NPLOC4: variants seen among roughly 807,000 people sequenced by gnomAD.
NPLOC4 encodes the protein nuclear protein localization protein 4 homolog.
NPLOC4 carries 18 observed loss-of-function variants against 80.6 expected under a neutral mutation model. The ratio of observed to expected loss-of-function variants is 0.22; its 90% CI spans 0.15 to 0.33. The LOEUF is 0.33. Ranked by LOEUF, NPLOC4 falls within the 10% of genes least tolerant of loss-of-function variation. The pLI is 1.00. For synonymous variants in NPLOC4, 313 were observed against 301.5 expected (o/e 1.04, Z -0.39); for missense variants, 540 against 786.1 (o/e 0.69, Z 3.74).
intron 4 of NPLOC4, chr17:81,613,070 C>A: frequency 2.6e-6 from 1 of 380,652 alleles, no homozygotes; most frequent in Non-Finnish European, 4.6e-6. Flanking sequence ...TCTTTGTACC[C>A]AAATGCTTCA....
intron 6 of NPLOC4, among the ~76,000 whole-genome samples, chr17:81,608,462 C>T (rs955404206): frequency 6.6e-6 from 1 of 152,168 alleles, no homozygotes; most frequent in African/African-American, 2.4e-5. Flanking sequence ...TGTAATCCAG[C>T]ACTTTGGGGA....
At chr17:81,634,852 G>C (rs956052067) in intron 1 of NPLOC4, among the ~76,000 whole-genome samples, 3 of 151,888 alleles carry the variant, frequency 2.0e-5, no homozygotes, top group African/African-American at 7.3e-5. Flanking sequence ...CAAAGTGCTG[G>C]GATTACAGGC....
Position 81,596,213 on chromosome 17 carries a change from G to A in NPLOC4, c.1023C>T (p.Cys341=). 1 of 1,613,924 alleles carries A rather than the reference G, an allele frequency of 6.2e-7. No homozygotes were observed. Among genetic ancestry groups the A allele is most frequent in the African/African-American group, 1.3e-5 (1 of 75,068 alleles). ...TGTTCTGGAAGTCTCCTGCAGTGAT[G>A]CACTCTTCTGAACTTAGGAAATAGG... The part of the protein sequence containing the change: ...KDTYFLSSEE[C]ITAGDFQNKH... The change falls in exon 11 of 17, where the codon TGC becomes TGT. Residue 341 remains cysteine, a synonymous_variant. Coordinates refer to ENST00000331134, the MANE Select transcript of NPLOC4 (RefSeq NM_017921.4).
At chr17:81,622,723 G>A (rs1342179603) in intron 2 of NPLOC4, among the ~76,000 whole-genome samples, 1 of 151,866 alleles carries the variant, frequency 6.6e-6, no homozygotes, top group Non-Finnish European at 1.5e-5. Context: ...GCTGATTTTT[G>A]TATTTTTAGT....
chr17:81,616,334 A>AAAAAAAGAAACT (rs2035487011), intron 3 of NPLOC4, among the ~76,000 whole-genome samples: 1 of 46,618 alleles, frequency 2.1e-5, no homozygotes, highest in Non-Finnish European at 3.7e-5. Flanking sequence ...AAAAAAAAAA[A>AAAAAAAGAAACT]AAAAGAAAAG....
At chr17:81,570,384 G>A (rs1156666680) in intron 13 of NPLOC4, among the ~76,000 whole-genome samples, 1 of 152,236 alleles carries the variant, frequency 6.6e-6, no homozygotes, top group Non-Finnish European at 1.5e-5. Flanking sequence ...CAGGGGAGGT[G>A]CTGACCTCCT....
At chr17:81,573,215 T>C (rs1176762463) in intron 12 of NPLOC4, among the ~76,000 whole-genome samples, 2 of 152,218 alleles carry the variant, frequency 1.3e-5, no homozygotes, top group Non-Finnish European at 1.5e-5. Flanking sequence ...TATACATCCA[T>C]AATTTCCAAT....
chr17:81,629,482 C>G (rs561899897), intron 2 of NPLOC4, among the ~76,000 whole-genome samples: 36 of 152,164 alleles, frequency 2.4e-4, no homozygotes, highest in Non-Finnish European at 4.4e-4. Context: ...GCCACCACGC[C>G]CAGCCGTGAA....
rs901736723 is a variant in NPLOC4 at position 81,558,448 on chromosome 17, G to C, written c.*811C>G. The stretch of plus-strand genomic sequence containing the variant: ...TTGGTAGAAAAGTCTCAGGCACTGA[G>C]GTTTACTTCAAGGGAGAACTGACTG... On this transcript the variant is annotated 3_prime_UTR_variant, in exon 17 of 17. Transcript: ENST00000331134. 1 of 152,176 alleles carries C rather than the reference G, an allele frequency of 6.6e-6. No homozygotes were observed. The highest frequency in any genetic ancestry group is 1.5e-5 in the Non-Finnish European group (1 of 68,054). The allele number at this position is 152,176 out of a possible 1,614,324, so 9.4% of individuals were successfully genotyped here. A position where few individuals can be genotyped will look rare whatever the true frequency, so the allele number is the denominator to read the frequency against.
At chr17:81,633,908 C>G (rs1334457574) in intron 1 of NPLOC4, among the ~76,000 whole-genome samples, 1 of 151,838 alleles carries the variant, frequency 6.6e-6, no homozygotes, top group African/African-American at 2.4e-5. Context: ...ACTCTGTCAC[C>G]CAGGCTGGAG....
In NPLOC4 at chr17:81,565,572, G is replaced by A. The variant is rs1375071599; in HGVS notation, c.1602C>T (p.Thr534=). ...ATGTCTGGGCGAGCTCCTCATTTCTGGTCCGCACGGCCTCCAGCAGCAAGC... is the reference window on the plus strand; with the variant it reads ...ATGTCTGGGCGAGCTCCTCATTTCTAGTCCGCACGGCCTCCAGCAGCAAGC... ...SISLLLEAVR[T]RNEELAQTWK... The change falls in exon 16 of 17, where the codon ACC becomes ACT. Residue 534 remains threonine (T), a synonymous_variant. Coordinates refer to ENST00000331134, the MANE Select transcript of NPLOC4 (RefSeq NM_017921.4). 1.9e-6 allele frequency: 3 copies of A among 1,555,008 alleles called. No homozygotes were observed. The highest frequency in any genetic ancestry group is 2.6e-6 in the Non-Finnish European group (3 of 1,150,224).
intron 14 of NPLOC4, among the ~76,000 whole-genome samples, 155 bp downstream of exon 14, chr17:81,568,861 G>A (rs938623760): frequency 2.0e-5 from 3 of 152,250 alleles, no homozygotes; most frequent in South Asian, 2.1e-4. Flanking sequence ...GGGCGTCCAC[G>A]TGACCAGCAG....
intron 2 of NPLOC4, among the ~76,000 whole-genome samples, chr17:81,622,738 A>G (rs1325316746): frequency 3.9e-5 from 6 of 151,968 alleles, no homozygotes; most frequent in African/African-American, 1.4e-4. Context: ...TTTAGTAGAG[A>G]TGGAGTTTCA....
chr17:81,629,003 C>A (rs1053785525), intron 2 of NPLOC4, among the ~76,000 whole-genome samples: 3 of 151,522 alleles, frequency 2.0e-5, no homozygotes, highest in Non-Finnish European at 4.4e-5. Context: ...CTCAGCCTCA[C>A]CAGCAGCTGG....
At chr17:81,584,289 T>C (rs551307777) in intron 12 of NPLOC4, among the ~76,000 whole-genome samples, 5 of 152,234 alleles carry the variant, frequency 3.3e-5, no homozygotes, top group Non-Finnish European at 5.9e-5. Flanking sequence ...GAAGTATTTC[T>C]AGCCTATTCT....
At position 81,636,830 on chromosome 17, in the gene NPLOC4, G is replaced by T. The variant is rs989671422; in HGVS notation, c.15+86C>A. ...AGAAAGGGGCCGAGTCGCGGCGCCG[G>T]CAGGCCCGCCTCCCCCACAGGCCGA... On this transcript the variant is annotated intron_variant, in intron 1 of 16. Transcript: ENST00000331134. The T allele has an allele frequency of 3.9e-6, 5 of 1,283,228 alleles. No individual in the cohort carries two copies. The South Asian group carries it at 6.5e-5, about 17-fold the overall frequency. 79.5% of individuals were successfully genotyped at this position (1,283,228 alleles called of 1,614,324 possible).
chr17:81,561,809 G>A (rs1485627778), intron 16 of NPLOC4: 1 of 151,986 alleles, frequency 6.6e-6, no homozygotes, highest in South Asian at 2.1e-4. Flanking sequence ...ATGCTGTGTG[G>A]GCTGGTCTCA....
At chr17:81,610,089 AG>A in intron 5 of NPLOC4, 120 bp downstream of exon 5, 2 of 777,692 alleles carry the variant, frequency 2.6e-6, no homozygotes, top group South Asian at 1.8e-5. Context: ...GGCAATAAAT[AG>A]GTAAGTTCTT....
At chr17:81,565,628 G>A (rs3934711) in intron 15 of NPLOC4, 21 bp from the exon 16 acceptor site, 333,594 of 1,525,722 alleles carry the variant, frequency 0.22, 37,903 homozygotes, top group Admixed American at 0.32. Context: ...CCAAAAGGAA[G>A]GTTCCTCTTC....
Sources: gnomAD v4.1 joint callset for allele counts (sites outside exome capture counted in the v4.1 genomes callset) on GRCh38, gnomAD v4.1.1 for gene constraint, MANE v1.5 for transcripts, NCBI Gene and HGNC (gene_info 2026-07-23, HGNC 2026-07-21) for gene names.